Variants in RAB6C observed in about 807,000 individuals in gnomAD.
RAB6C encodes ras-related protein Rab-6C.
In RAB6C, 8 loss-of-function variants were observed where a neutral mutation model predicts 17.2. That is an observed-to-expected ratio of 0.46 (90% CI 0.27 to 0.84). The LOEUF is 0.84. Ranked by LOEUF, RAB6C falls within the 40% of genes least tolerant of loss-of-function variation. The probability of loss-of-function intolerance (pLI) is 0.13; values close to 1 mark genes in which losing one functional copy is unlikely to be tolerated. For synonymous variants in RAB6C, 78 were observed against 118.9 expected (o/e 0.66, Z 2.24); for missense variants, 151 against 306.5 (o/e 0.49, Z 3.79).
Position 129,980,718 on chromosome 2 carries a change from C to T in RAB6C, c.603C>T (p.Val201=). The T allele has an allele frequency of 6.2e-7, 1 of 1,607,424 alleles. No individual in the cohort carries two copies. Among genetic ancestry groups the T allele is most frequent in the African/African-American group, 1.3e-5 (1 of 74,382 alleles). ...TGGAAAAGCCTCAGGAGCAAACAGT[C>T]AGCGAAGGGGGTTGTTCCTGCTACT... ...IKLEKPQEQT[V]SEGGCSCYSP... Residue 201 remains valine (V), a synonymous_variant, in exon 1 of 1, where the codon GTC becomes GTT. Coordinates refer to ENST00000410061, the MANE Select transcript of RAB6C (RefSeq NM_032144.3).
rs1681786180 is a variant in RAB6C, at chr2:129,982,587, T to TA, written c.*1709dup. On this transcript the variant is annotated 3_prime_UTR_variant, in exon 1 of 1. Coordinates refer to ENST00000410061, the MANE Select transcript of RAB6C (RefSeq NM_032144.3). ...ATCTGAATAGAGAAATGCTTACAGA[T>TA]AATCATTAGCCCACATACCAGTAAC... 6.0e-6 allele frequency: 1 copy of TA among 167,248 alleles called. No individual in the cohort carries two copies. The highest frequency in any genetic ancestry group is 2.1e-4 in the South Asian group (1 of 4,832). The allele number at this position is 167,248 out of a possible 1,614,324, so 10.4% of individuals were successfully genotyped here.
rs1381500392 is a variant in RAB6C, at chr2:129,980,836, A to G, written c.721A>G (p.Ile241Val). The G allele has an allele frequency of 8.1e-6, 13 of 1,603,544 alleles. No individual in the cohort carries two copies. Among genetic ancestry groups the G allele is most frequent in the East Asian group, 2.2e-5 (1 of 44,726 alleles). Residue 241 changes from isoleucine (I) to valine (V), a missense_variant, in exon 1 of 1, where the codon ATA (isoleucine) becomes GTA (valine). Transcript: ENST00000410061. ...NIGLNLFPSL[I>V]TFCNSSLLPV... Reference sequence around the variant, plus strand: ...TGGCTTGAACCTTTTCCCTTCATTAATAACGTTTTGCAATTCATCATTGCT... The same window carrying G: ...TGGCTTGAACCTTTTCCCTTCATTAGTAACGTTTTGCAATTCATCATTGCT...
chr2:129,980,372 C>T lies in RAB6C; in HGVS notation c.257C>T (p.Ser86Phe). The T allele has an allele frequency of 6.2e-7, 1 of 1,612,486 alleles. No individual in the cohort carries two copies. The highest frequency in any genetic ancestry group is 8.5e-7 in the Non-Finnish European group (1 of 1,179,650). ...CTCATTCCCAGGTACATCCGTGATT[C>T]TGCTGCAGCTGTAGTAGTTTACGAT... ...RSLIPRYIRD[S>F]AAAVVVYDIT... is the part of the protein sequence containing the mutation. Residue 86 changes from serine to phenylalanine, a missense_variant, in exon 1 of 1, where the codon TCT (serine) becomes TTT (phenylalanine). Ser to Phe is a radical substitution (Grantham distance 155). Around this residue, in one of 2 missense-constraint regions of RAB6C, gnomAD observed 136 missense variants for 200.0 expected, o/e 0.68. Transcript: ENST00000410061.
rs1256383801 is a variant in RAB6C at position 129,981,010 on chromosome 2, T to G, written c.*130T>G. Reference sequence around the variant, plus strand: ...ATACATTTTCTTAACATTTTTTTCTTTTTTAATGTTATGATAATGTACTTC... The same window carrying G: ...ATACATTTTCTTAACATTTTTTTCTGTTTTAATGTTATGATAATGTACTTC... On this transcript the variant is annotated 3_prime_UTR_variant, in exon 1 of 1. Transcript: ENST00000410061. 16 of 1,286,334 alleles carry G rather than the reference T, an allele frequency of 1.2e-5. No homozygotes were observed. The Admixed American group carries it at 4.2e-4, about 33-fold the overall frequency. 79.7% of individuals were successfully genotyped at this position (1,286,334 alleles called of 1,614,324 possible). A position where few individuals can be genotyped will look rare whatever the true frequency, so the allele number is the denominator to read the frequency against.
In RAB6C at chr2:129,982,645, GC is replaced by G. The variant is rs1392690774; in HGVS notation, c.*1766del. 1 of 167,044 alleles carries G rather than the reference GC, an allele frequency of 6.0e-6. No individual in the cohort carries two copies. Among genetic ancestry groups the G allele is most frequent in the Non-Finnish European group, 1.5e-5 (1 of 68,118 alleles). The allele number at this position is 167,044 out of a possible 1,614,324, so 10.3% of individuals were successfully genotyped here. A position where few individuals can be genotyped will look rare whatever the true frequency, so the allele number is the denominator to read the frequency against. On this transcript the variant is annotated 3_prime_UTR_variant, in exon 1 of 1. Coordinates refer to ENST00000410061, the MANE Select transcript of RAB6C (RefSeq NM_032144.3). The stretch of plus-strand genomic sequence containing the variant: ...TAAAGATGGGATGGAGTTATAAAGT[GC>G]TTTTATAATACAATATAATTGCTAA...
Position 129,980,874 on chromosome 2 carries a change from G to A in RAB6C, c.759G>A (p.Trp253Ter). Residue 253 changes from tryptophan to a stop codon, truncating the protein, a stop_gained, in exon 1 of 1, where the codon TGG becomes TGA. Transcript: ENST00000410061. LOFTEE classifies it high-confidence loss of function. ...FCNSSLLPVS[W>*]R The stretch of plus-strand genomic sequence containing the variant: ...ATTCATCATTGCTGCCTGTCTCGTG[G>A]AGGTGATCTATTAGCTTCACAAGCA... 1 of 1,606,890 alleles carries A rather than the reference G, an allele frequency of 6.2e-7. No individual in the cohort carries two copies. The highest frequency in any genetic ancestry group is 8.5e-7 in the Non-Finnish European group (1 of 1,174,340).
chr2:129,980,233 A>C lies in RAB6C; in HGVS notation c.118A>C (p.Asn40His). The part of the protein sequence containing the change: ...ITRFRYDSFD[N>H]TYQAIIGIDF... ...CAGATTCAGGTATGACAGTTTTGACAACACCTATCAGGCAATAATTGGCAT... is the reference window on the plus strand; with the variant it reads ...CAGATTCAGGTATGACAGTTTTGACCACACCTATCAGGCAATAATTGGCAT... The change falls in exon 1 of 1, where the codon AAC becomes CAC. Residue 40 changes from asparagine (N) to histidine (H), a missense_variant. By Grantham distance (68) the Asn-to-His change is moderately conservative (BLOSUM62 1). This residue lies in a region of RAB6C where 15 missense variants were observed against 106.6 expected (regional missense o/e 0.14). Coordinates refer to ENST00000410061, the MANE Select transcript of RAB6C (RefSeq NM_032144.3). 1 of 1,605,828 alleles carries C rather than the reference A, an allele frequency of 6.2e-7. No individual in the cohort carries two copies. Among genetic ancestry groups the C allele is most frequent in the Non-Finnish European group, 8.5e-7 (1 of 1,173,986 alleles).
rs568972166 is a variant in RAB6C at position 129,981,715 on chromosome 2, A to G, written c.*835A>G. On this transcript the variant is annotated 3_prime_UTR_variant, in exon 1 of 1. Coordinates refer to ENST00000410061, the MANE Select transcript of RAB6C (RefSeq NM_032144.3). ...TACTATGCAGGCAAGACACCATAAA[A>G]GTTTAATTCCTTACAGAAGAACCAG... The G allele has an allele frequency of 1.8e-5, 3 of 167,272 alleles. No individual in the cohort carries two copies. In the South Asian group the frequency reaches 6.2e-4, roughly 35 times the overall value. 10.4% of individuals were successfully genotyped at this position (167,272 alleles called of 1,614,324 possible). A position where few individuals can be genotyped will look rare whatever the true frequency, so the allele number is the denominator to read the frequency against.
chr2:129,980,269 T>C lies in RAB6C; in HGVS notation c.154T>C (p.Ser52Pro), dbSNP rs1391221677. The change falls in exon 1 of 1, where the codon TCA (serine) becomes CCA (proline). Residue 52 changes from serine to proline, a missense_variant. Transcript: ENST00000410061. ...GGCAATAATTGGCATTGACTTTTTA[T>C]CAAAAACTATGTACTTGGAGGATGG... The part of the protein sequence containing the change: ...YQAIIGIDFL[S>P]KTMYLEDGTI... The C allele has an allele frequency of 6.2e-7, 1 of 1,607,008 alleles. No individual in the cohort carries two copies. The highest frequency in any genetic ancestry group is 2.2e-5 in the East Asian group (1 of 44,712).
In RAB6C at chr2:129,982,144, T is replaced by C. The variant is rs1681779072; in HGVS notation, c.*1264T>C. ...TCTTTGGCGATATTTCTTTGCTTTT[T>C]TTTTTTTTAACAACTTTCCATTTTT... On this transcript the variant is annotated 3_prime_UTR_variant, in exon 1 of 1. Coordinates refer to ENST00000410061, the MANE Select transcript of RAB6C (RefSeq NM_032144.3). 1 of 167,008 alleles carries C rather than the reference T, an allele frequency of 6.0e-6. No homozygotes were observed. The highest frequency in any genetic ancestry group is 6.5e-5 in the Admixed American group (1 of 15,280). 10.3% of individuals were successfully genotyped at this position (167,008 alleles called of 1,614,324 possible).
Position 129,979,949 on chromosome 2 carries a change from G to C in RAB6C, c.-167G>C. The C allele has an allele frequency of 7.9e-7, 1 of 1,271,936 alleles. No homozygotes were observed. 78.8% of individuals were successfully genotyped at this position (1,271,936 alleles called of 1,614,324 possible). ...CGGCTGCCAGTCTGTGGCGAGCCCT[G>C]CTGCCCTCCAGCCGGGCTCCTCCAG... On this transcript the variant is annotated 5_prime_UTR_variant, in exon 1 of 1. Transcript: ENST00000410061.
In RAB6C at chr2:129,980,639, C is replaced by T. The variant is rs540074754; in HGVS notation, c.524C>T (p.Pro175Leu). Residue 175 changes from proline to leucine, a missense_variant, in exon 1 of 1, where the codon CCG becomes CTG. Coordinates refer to ENST00000410061, the MANE Select transcript of RAB6C (RefSeq NM_032144.3). ...QLFRRVAAAL[P>L]GMESTQDGSR... ...TTTCGACGTGTAGCAGCAGCTTTGC[C>T]GGGAATGGAAAGCACACAGGACGGA... The T allele has an allele frequency of 8.7e-5, 140 of 1,612,252 alleles. 2 individuals carry two copies. The East Asian group carries it at 3.0e-3, about 35-fold the overall frequency.
At position 129,980,454 on chromosome 2, in the gene RAB6C, A is replaced by G; in HGVS notation, c.339A>G (p.Thr113=). 2 of 1,614,102 alleles carry G rather than the reference A, an allele frequency of 1.2e-6. No individual in the cohort carries two copies. The highest frequency in any genetic ancestry group is 1.7e-6 in the Non-Finnish European group (2 of 1,180,048). ...CAAAGTGGATTGATGATGTCAGAAC[A>G]GAAAGAGGAAGTGATGTTATCATCA... is the stretch of plus-strand genomic sequence containing the variant. ...QTTKWIDDVR[T]ERGSDVIITL... is the part of the protein sequence containing the mutation. The change falls in exon 1 of 1, where the codon ACA becomes ACG. Residue 113 remains threonine, a synonymous_variant. Coordinates refer to ENST00000410061, the MANE Select transcript of RAB6C (RefSeq NM_032144.3).
Position 129,979,825 on chromosome 2 carries a change from A to G in RAB6C, c.-291A>G, listed in dbSNP as rs1681710461. 1 of 568,168 alleles carries G rather than the reference A, an allele frequency of 1.8e-6. No individual in the cohort carries two copies. The highest frequency in any genetic ancestry group is 2.2e-5 in the South Asian group (1 of 45,144). 35.2% of individuals were successfully genotyped at this position (568,168 alleles called of 1,614,324 possible). A position where few individuals can be genotyped will look rare whatever the true frequency, so the allele number is the denominator to read the frequency against. On this transcript the variant is annotated 5_prime_UTR_variant, in exon 1 of 1. Coordinates refer to ENST00000410061, the MANE Select transcript of RAB6C (RefSeq NM_032144.3). ...AGGAGGGAACGGCCCTAGCCTTGGGAAGCCAAAGCACACCCCTGGCTCCTG... is the reference window on the plus strand; with the variant it reads ...AGGAGGGAACGGCCCTAGCCTTGGGGAGCCAAAGCACACCCCTGGCTCCTG...
Position 129,981,310 on chromosome 2 carries a change from A to G in RAB6C, c.*430A>G, listed in dbSNP as rs1681760139. On this transcript the variant is annotated 3_prime_UTR_variant, in exon 1 of 1. Coordinates refer to ENST00000410061, the MANE Select transcript of RAB6C (RefSeq NM_032144.3). ...CAGAATTATTCTTGAGCACTGATGT[A>G]AATTACTTAGATCTTCTTTGAGGTC... is the stretch of plus-strand genomic sequence containing the variant. 4.9e-6 allele frequency: 1 copy of G among 205,976 alleles called. No individual in the cohort carries two copies. The highest frequency in any genetic ancestry group is 2.4e-5 in the African/African-American group (1 of 42,066). 12.8% of individuals were successfully genotyped at this position (205,976 alleles called of 1,614,324 possible).
rs886451130 is a variant in RAB6C, at chr2:129,979,827, G to A, written c.-289G>A. On this transcript the variant is annotated 5_prime_UTR_variant, in exon 1 of 1. Transcript: ENST00000410061. ...GAGGGAACGGCCCTAGCCTTGGGAAGCCAAAGCACACCCCTGGCTCCTGCC... is the reference window on the plus strand; with the variant it reads ...GAGGGAACGGCCCTAGCCTTGGGAAACCAAAGCACACCCCTGGCTCCTGCC... 8 of 573,742 alleles carry A rather than the reference G, an allele frequency of 1.4e-5. No homozygotes were observed. Among genetic ancestry groups the A allele is most frequent in the African/African-American group, 1.3e-4 (7 of 52,482 alleles). The allele number at this position is 573,742 out of a possible 1,614,324, so 35.5% of individuals were successfully genotyped here.
rs185972652 is a variant in RAB6C at position 129,980,988 on chromosome 2, C to T, written c.*108C>T. 6 of 1,445,450 alleles carry T rather than the reference C, an allele frequency of 4.2e-6. No homozygotes were observed. The highest frequency in any genetic ancestry group is 5.6e-6 in the Non-Finnish European group (6 of 1,076,118). 89.5% of individuals were successfully genotyped at this position (1,445,450 alleles called of 1,614,324 possible). A position where few individuals can be genotyped will look rare whatever the true frequency, so the allele number is the denominator to read the frequency against. ...CGGTGATAACTTTAAAAATTAGATA[C>T]ATTTTCTTAACATTTTTTTCTTTTT... On this transcript the variant is annotated 3_prime_UTR_variant, in exon 1 of 1. Transcript: ENST00000410061.
chr2:129,980,480 C>G lies in RAB6C; in HGVS notation c.365C>G (p.Thr122Arg). 6.2e-7 allele frequency: 1 copy of G among 1,614,090 alleles called. No individual in the cohort carries two copies. Among genetic ancestry groups the G allele is most frequent in the Non-Finnish European group, 8.5e-7 (1 of 1,180,034 alleles). The stretch of plus-strand genomic sequence containing the variant: ...GAAAGAGGAAGTGATGTTATCATCA[C>G]GCTAGTAGGAAATAGAACAGATCTT... ...RTERGSDVIITLVGNRTDLAD... is the reference protein window; with the variant it reads ...RTERGSDVIIRLVGNRTDLAD... Residue 122 changes from threonine to arginine, a missense_variant, in exon 1 of 1, where the codon ACG becomes AGG. Physicochemically the swap from Thr to Arg is moderately conservative, Grantham distance 71 (BLOSUM62 -1). Coordinates refer to ENST00000410061, the MANE Select transcript of RAB6C (RefSeq NM_032144.3).
rs927133323 is a variant in RAB6C at position 129,979,751 on chromosome 2, C to T, written c.-365C>T. The T allele has an allele frequency of 4.9e-5, 18 of 364,956 alleles. No homozygotes were observed. The highest frequency in any genetic ancestry group is 4.0e-4 in the Admixed American group (9 of 22,384). 22.6% of individuals were successfully genotyped at this position (364,956 alleles called of 1,614,324 possible). A position where few individuals can be genotyped will look rare whatever the true frequency, so the allele number is the denominator to read the frequency against. On this transcript the variant is annotated 5_prime_UTR_variant, in exon 1 of 1. Transcript: ENST00000410061. ...ATCCCGGATACATCTGCGGTTTGGG[C>T]TCCGCCACCCTCCGTCTCTCTCCCG...
Sources: gnomAD v4.1 joint callset for allele counts on GRCh38, gnomAD v4.1.1 for gene constraint, gnomAD v4.1.1 regional missense constraint, MANE v1.5 for transcripts, NCBI Gene and HGNC (gene_info 2026-07-23, HGNC 2026-07-21) for gene names.